EXOC4: variants seen among roughly 807,000 people sequenced by gnomAD.
EXOC4 encodes exocyst complex component 4, also known as SEC8-like 1.
Under a neutral mutation model 107.2 loss-of-function variants are expected in EXOC4, and 71 were observed. The observed-to-expected ratio is 0.66, with a 90% CI of 0.55 to 0.81. The LOEUF is 0.81. Ranked by LOEUF, EXOC4 falls within the 30% of genes least tolerant of loss-of-function variation. EXOC4 has a pLI of 0.00. For synonymous variants in EXOC4, 456 were observed against 441.2 expected (o/e 1.03, Z -0.42); for missense variants, 1,108 against 1,189.6 (o/e 0.93, Z 1.01).
At chr7:134,009,838 G>C (rs1380587594) in intron 17 of EXOC4, 1 of 152,168 alleles carries the variant, frequency 6.6e-6, no homozygotes, top group African/African-American at 2.4e-5. Context: ...TTGGCAGACA[G>C]TCTGGGGCCT....
intron 9 of EXOC4, among the ~76,000 whole-genome samples, chr7:133,614,940 G>C (rs901364998): frequency 1.3e-5 from 2 of 152,060 alleles, no homozygotes; most frequent in African/African-American, 4.8e-5. Context: ...AACAGTGCCA[G>C]ATGATGAGGA....
At chr7:133,871,512 T>TC (rs1054711786) in intron 11 of EXOC4, among the ~76,000 whole-genome samples, 5 of 151,962 alleles carry the variant, frequency 3.3e-5, no homozygotes, top group African/African-American at 9.7e-5. Flanking sequence ...TTACACGTTT[T>TC]CCCCCCACAG....
chr7:133,947,034 A>C (rs1314712645), intron 14 of EXOC4, among the ~76,000 whole-genome samples: 1 of 152,218 alleles, frequency 6.6e-6, no homozygotes, highest in Admixed American at 6.5e-5. Flanking sequence ...AGTCTGACGA[A>C]CTTAAGGACA....
At chr7:133,888,506 T>G (rs1046054515) in intron 11 of EXOC4, among the ~76,000 whole-genome samples, 1 of 152,236 alleles carries the variant, frequency 6.6e-6, no homozygotes, top group East Asian at 1.9e-4. Flanking sequence ...ACTAATGGTT[T>G]AAACAACTCA....
At chr7:133,360,297 C>G (rs182672087) in intron 6 of EXOC4, among the ~76,000 whole-genome samples, 18 of 152,258 alleles carry the variant, frequency 1.2e-4, no homozygotes, top group African/African-American at 3.9e-4. Flanking sequence ...AAAAACTTCT[C>G]AAAGATGTGG....
chr7:133,666,975 G>C (rs1793831522), intron 10 of EXOC4, among the ~76,000 whole-genome samples: 1 of 151,828 alleles, frequency 6.6e-6, no homozygotes, highest in Non-Finnish European at 1.5e-5. Flanking sequence ...TTTCCAGATG[G>C]GTGTCTTCTT....
At chr7:133,394,711 T>G (rs1477870815) in intron 7 of EXOC4, among the ~76,000 whole-genome samples, 1 of 152,188 alleles carries the variant, frequency 6.6e-6, no homozygotes, top group African/African-American at 2.4e-5. Flanking sequence ...AAAGTCATAT[T>G]AATTTTCAGC....
At chr7:133,979,677 A>C (rs1206838565) in intron 14 of EXOC4, among the ~76,000 whole-genome samples, 3 of 151,800 alleles carry the variant, frequency 2.0e-5, no homozygotes, top group African/African-American at 7.3e-5. Context: ...AGTCCCAGCT[A>C]CTCGGGAGGC....
At chr7:133,619,267 C>G (rs1443090176) in intron 9 of EXOC4, among the ~76,000 whole-genome samples, 2 of 152,176 alleles carry the variant, frequency 1.3e-5, no homozygotes, top group Non-Finnish European at 2.9e-5. Context: ...TCCGGCTTCT[C>G]TTAGTCATTT....
chr7:133,869,328 G>A (rs1400929585), intron 11 of EXOC4, among the ~76,000 whole-genome samples: 2 of 152,068 alleles, frequency 1.3e-5, no homozygotes, highest in Non-Finnish European at 1.5e-5. Flanking sequence ...GGTAGGACCA[G>A]CCTGGGGGCA....
At chr7:134,065,794 C>T (rs537743816), downstream of EXOC4, 1 of 152,332 alleles carries the variant, frequency 6.6e-6, no homozygotes, top group Admixed American at 6.5e-5. Context: ...GTTCTTTATT[C>T]AGCAAATATT....
intron 10 of EXOC4, among the ~76,000 whole-genome samples, chr7:133,660,082 G>A (rs1365844410): frequency 6.6e-6 from 1 of 152,200 alleles, no homozygotes; most frequent in East Asian, 1.9e-4. Flanking sequence ...CCATCCTGGG[G>A]TTTGTTATTG....
intron 17 of EXOC4, among the ~76,000 whole-genome samples, chr7:134,035,045 AC>A (rs1473072995): frequency 8.8e-5 from 12 of 136,014 alleles, no homozygotes; most frequent in Non-Finnish European, 1.3e-4. Flanking sequence ...TCTTTTCTTT[AC>A]TTTTTTTTTT....
chr7:133,405,414 C>G (rs1057139180), intron 7 of EXOC4, among the ~76,000 whole-genome samples: 6 of 151,994 alleles, frequency 3.9e-5, no homozygotes, highest in African/African-American at 1.4e-4. Context: ...TGTGGTTTCT[C>G]TATTTAGATC....
At chr7:134,063,225 C>T (rs1468644844) in intron 17 of EXOC4, among the ~76,000 whole-genome samples, 1 of 152,172 alleles carries the variant, frequency 6.6e-6, no homozygotes, top group Non-Finnish European at 1.5e-5. Flanking sequence ...TCATGCTCTT[C>T]CCTCCAACTA....
intron 2 of EXOC4, among the ~76,000 whole-genome samples, chr7:133,286,519 T>C (rs918909798): frequency 4.6e-5 from 7 of 152,204 alleles, no homozygotes; most frequent in Admixed American, 2.6e-4. Flanking sequence ...GGCTAACCAT[T>C]TGTGTGTAAG....
chr7:133,399,733 G>C (rs1427459054), intron 7 of EXOC4, among the ~76,000 whole-genome samples: 2 of 152,232 alleles, frequency 1.3e-5, no homozygotes, highest in African/African-American at 2.4e-5. Flanking sequence ...ATTAGAGCTG[G>C]ACTGCCCACT....
intron 14 of EXOC4, among the ~76,000 whole-genome samples, chr7:133,955,407 C>T (rs1800793022): frequency 6.6e-6 from 1 of 152,112 alleles, no homozygotes; most frequent in South Asian, 2.1e-4. Context: ...GAGAGGAGAC[C>T]CTGGAGTGGG....
At chr7:133,955,406 C>A (rs868318690) in intron 14 of EXOC4, among the ~76,000 whole-genome samples, 30 of 152,268 alleles carry the variant, frequency 2.0e-4, no homozygotes, top group Non-Finnish European at 3.8e-4. Context: ...AGAGAGGAGA[C>A]CCTGGAGTGG....
Sources: gnomAD v4.1 joint callset for allele counts (sites outside exome capture counted in the v4.1 genomes callset) on GRCh38, gnomAD v4.1.1 for gene constraint, MANE v1.5 for transcripts, NCBI Gene and HGNC (gene_info 2026-07-23, HGNC 2026-07-21) for gene names.